Variants in WWOX observed in about 807,000 individuals in gnomAD.
WWOX encodes WW domain containing oxidoreductase.
Under a neutral mutation model 46.2 loss-of-function variants are expected in WWOX, and 69 were observed. The ratio of observed to expected loss-of-function variants is 1.49; its 90% confidence interval spans 1.23 to 1.82. WWOX has a LOEUF of 1.82. Ranked by LOEUF, WWOX falls within the 40% of genes most tolerant of loss-of-function variation. The pLI is 0.00. For missense variants in WWOX, 919 were observed against 542.6 expected (o/e 1.69, Z -6.89); for synonymous variants, 359 against 202.6 (o/e 1.77, Z -6.56).
intron 4 of WWOX, among the ~76,000 whole-genome samples, chr16:78,135,116 G>C (rs1480268308): frequency 6.6e-6 from 1 of 152,198 alleles, no homozygotes; most frequent in Non-Finnish European, 1.5e-5. Context: ...ATGGGGCCTT[G>C]CTGAGAAATA....
intron 8 of WWOX, among the ~76,000 whole-genome samples, chr16:78,690,225 G>C (rs1002815119): frequency 1.3e-5 from 2 of 152,044 alleles, no homozygotes; most frequent in African/African-American, 4.8e-5. Flanking sequence ...TGTTGTGTAG[G>C]GCCGGATATA....
intron 8 of WWOX, among the ~76,000 whole-genome samples, chr16:78,524,443 A>G (rs917019748): frequency 1.3e-5 from 2 of 151,398 alleles, no homozygotes; most frequent in South Asian, 2.1e-4. Flanking sequence ...TTTGTTTGAG[A>G]TGAGTCTTGC....
intron 8 of WWOX, among the ~76,000 whole-genome samples, chr16:78,562,819 C>G (rs1040030706): frequency 6.6e-6 from 1 of 152,182 alleles, no homozygotes; most frequent in Non-Finnish European, 1.5e-5. Flanking sequence ...CACAGAAAAG[C>G]ATGAGCCCCT....
At chr16:79,106,242 A>C (rs2049305485) in intron 8 of WWOX, among the ~76,000 whole-genome samples, 1 of 152,184 alleles carries the variant, frequency 6.6e-6, no homozygotes, top group African/African-American at 2.4e-5. Flanking sequence ...GCCTTAAATA[A>C]ACTTCTTCAT....
At chr16:78,135,730 C>G (rs1321017898) in intron 4 of WWOX, among the ~76,000 whole-genome samples, 1 of 152,072 alleles carries the variant, frequency 6.6e-6, no homozygotes, top group South Asian at 2.1e-4. Context: ...AAAACACCTT[C>G]CACTAAAACT....
intron 8 of WWOX, among the ~76,000 whole-genome samples, chr16:79,027,129 A>G (rs1474716713): frequency 1.3e-5 from 2 of 151,388 alleles, no homozygotes; most frequent in African/African-American, 4.9e-5. Context: ...AAAATAAAAT[A>G]ATTAGCTGGG....
chr16:78,174,301 TG>T lies in WWOX; in HGVS notation c.516+10013del, dbSNP rs200099407. Reference sequence around the variant, plus strand: ...ATGAGGAAGAAGCAAAAGCAGAAACTGCCTGATAAACCCATCAGATCTCTTG... The same window carrying T: ...ATGAGGAAGAAGCAAAAGCAGAAACTCCTGATAAACCCATCAGATCTCTTG... On this transcript the variant is annotated intron_variant, in intron 5 of 8. Coordinates refer to ENST00000566780, the MANE Select transcript of WWOX (RefSeq NM_016373.4). Among the ~76,000 whole-genome samples the T allele has an allele frequency of 5.6e-3, 846 of 152,274 alleles. 27 individuals carry two copies. The highest frequency in any genetic ancestry group is 0.05 in the Admixed American group (768 of 15,298).
chr16:78,276,126 A>T (rs749951535), intron 5 of WWOX, among the ~76,000 whole-genome samples: 20 of 152,220 alleles, frequency 1.3e-4, no homozygotes, highest in Non-Finnish European at 2.4e-4. Flanking sequence ...AGCCGTTTTC[A>T]TACACCTTAA....
chr16:79,102,074 GT>G (rs2049210617), intron 8 of WWOX, among the ~76,000 whole-genome samples: 1 of 109,902 alleles, frequency 9.1e-6, no homozygotes, highest in African/African-American at 3.4e-5. Context: ...GGGGGAGGGG[GT>G]GTGGGGAGGG....
At chr16:78,855,963 A>G (rs531253706) in intron 8 of WWOX, among the ~76,000 whole-genome samples, 1 of 152,320 alleles carries the variant, frequency 6.6e-6, no homozygotes, top group East Asian at 1.9e-4. Flanking sequence ...TTGTACGGAA[A>G]AAGTCGGTGC....
intron 5 of WWOX, among the ~76,000 whole-genome samples, chr16:78,328,251 A>G (rs900777626): frequency 2.0e-5 from 3 of 152,188 alleles, no homozygotes. Context: ...AGTGGCAGCA[A>G]AACTTGATTT....
intron 8 of WWOX, among the ~76,000 whole-genome samples, chr16:78,762,394 A>T (rs1466225368): frequency 6.6e-6 from 1 of 152,020 alleles, no homozygotes; most frequent in Non-Finnish European, 1.5e-5. Context: ...TCTCTTGGTG[A>T]CTCGTGTGTA....
chr16:79,011,362 G>A (rs113862325), intron 8 of WWOX, among the ~76,000 whole-genome samples: 2 of 151,524 alleles, frequency 1.3e-5, no homozygotes, highest in African/African-American at 4.9e-5. Context: ...CTCCAATCCT[G>A]CCCCCTTTGG....
intron 8 of WWOX, 67 bp from the exon 9 acceptor site, chr16:79,211,541 C>G (rs902264339): frequency 5.6e-6 from 9 of 1,604,662 alleles, no homozygotes; most frequent in Non-Finnish European, 2.6e-6. Context: ...CCCAGGCAGT[C>G]GAAATGACGC....
chr16:78,785,300 T>C (rs1264831330), intron 8 of WWOX, among the ~76,000 whole-genome samples: 2 of 152,152 alleles, frequency 1.3e-5, no homozygotes, highest in Non-Finnish European at 2.9e-5. Context: ...AATTCTCACT[T>C]CCCAGCAGCA....
intron 8 of WWOX, among the ~76,000 whole-genome samples, chr16:79,039,197 T>C (rs937153001): frequency 6.6e-6 from 1 of 152,184 alleles, no homozygotes; most frequent in Non-Finnish European, 1.5e-5. Context: ...AACCCAGGAC[T>C]TTGCGTTGCA....
At chr16:78,830,773 A>C (rs2051798143) in intron 8 of WWOX, among the ~76,000 whole-genome samples, 2 of 151,806 alleles carry the variant, frequency 1.3e-5, no homozygotes, top group African/African-American at 4.8e-5. Flanking sequence ...TGAGCAGCTC[A>C]GGGCCCCCTG....
At chr16:78,165,985 T>C (rs1483906347) in intron 5 of WWOX, among the ~76,000 whole-genome samples, 1 of 152,174 alleles carries the variant, frequency 6.6e-6, no homozygotes, top group Non-Finnish European at 1.5e-5. Context: ...TTTAGGGATG[T>C]ATTGAGAAGA....
intron 8 of WWOX, among the ~76,000 whole-genome samples, chr16:79,077,020 G>A (rs1597352412): frequency 6.6e-6 from 1 of 152,096 alleles, no homozygotes; most frequent in Non-Finnish European, 1.5e-5. Flanking sequence ...TTTTTATAGG[G>A]AAAAACAGTA....
Sources: gnomAD v4.1 joint callset for allele counts (sites outside exome capture counted in the v4.1 genomes callset) on GRCh38, gnomAD v4.1.1 for gene constraint, MANE v1.5 for transcripts, NCBI Gene and HGNC (gene_info 2026-07-23, HGNC 2026-07-21) for gene names.